LRP2: variants seen among roughly 807,000 people sequenced by gnomAD.
The protein encoded by LRP2 is LDL receptor related protein 2.
LRP2 carries 172 observed loss-of-function variants against 531.0 expected under a neutral mutation model. The ratio of observed to expected loss-of-function variants is 0.32; its 90% confidence interval spans 0.29 to 0.37. The LOEUF (loss-of-function observed/expected upper bound fraction) is 0.37. Among genes scored for constraint, LRP2 ranks in the 10% least tolerant of loss-of-function variants. LRP2 has a pLI of 1.00. For synonymous variants in LRP2, 1,992 were observed against 2,027.6 expected, an observed-to-expected ratio of 0.98 and a Z score of 0.47; for missense variants, 5,167 against 5,868.3, an observed-to-expected ratio of 0.88 and a Z score of 3.90.
chr2:169,359,316 C>G (rs903891600), intron 1 of LRP2, among the ~76,000 whole-genome samples: 1 of 152,160 alleles, frequency 6.6e-6, no homozygotes, highest in Non-Finnish European at 1.5e-5. Flanking sequence ...AACAGCTTGA[C>G]TCGAGTTCAG....
At position 169,139,290 on chromosome 2, in the gene LRP2, C is replaced by G. The variant is rs1233510281; in HGVS notation, c.13349G>C (p.Arg4450Thr). The stretch of plus-strand genomic sequence containing the variant: ...CAGAGCAGGCAAAAGGGAGCCGGTC[C>G]TTCTATAGTGGAAGAATCCTGCAAT... ...LAIAGFFHYR[R>T]TGSLLPALPK... is the part of the protein sequence containing the mutation. Residue 4450 changes from arginine to threonine, a missense_variant, in exon 74 of 79, where the codon AGG (arginine) becomes ACG (threonine). By Grantham distance (71) the Arg-to-Thr change is moderately conservative (BLOSUM62 -1). Coordinates refer to ENST00000649046, the MANE Select transcript of LRP2 (RefSeq NM_004525.3). The G allele has an allele frequency of 6.2e-7, 1 of 1,614,056 alleles. No individual in the cohort carries two copies. Among genetic ancestry groups the G allele is most frequent in the Non-Finnish European group, 8.5e-7 (1 of 1,180,028 alleles).
Position 169,182,287 on chromosome 2 carries a change from C to T in LRP2, c.9878G>A (p.Gly3293Asp), listed in dbSNP as rs1289625572. 6.2e-7 allele frequency: 1 copy of T among 1,613,838 alleles called. No homozygotes were observed. The highest frequency in any genetic ancestry group is 8.5e-7 in the Non-Finnish European group (1 of 1,179,930). ...KLYWLDARLD[G>D]LFVSDLNGGH... ...ACCATTGAGGTCAGAGACAAAGAGGCCATCCAGGCGGGCATCCAACCAGTA... is the reference window on the plus strand; with the variant it reads ...ACCATTGAGGTCAGAGACAAAGAGGTCATCCAGGCGGGCATCCAACCAGTA... Residue 3293 changes from glycine to aspartate, a missense_variant, in exon 51 of 79, where the codon GGC becomes GAC. By Grantham distance (94) the Gly-to-Asp change is moderately conservative (BLOSUM62 -1). Coordinates refer to ENST00000649046, the MANE Select transcript of LRP2 (RefSeq NM_004525.3).
intron 19 of LRP2, among the ~76,000 whole-genome samples, chr2:169,254,643 T>TAA (rs528767921): frequency 0.21 from 15,188 of 73,190 alleles, 3,622 homozygotes; most frequent in East Asian, 0.43. Context: ...TAGAGTATAA[T>TAA]AAAAAAAAAA....
intron 36 of LRP2, among the ~76,000 whole-genome samples, chr2:169,213,288 C>T (rs927315627): frequency 6.6e-5 from 10 of 152,104 alleles, no homozygotes; most frequent in African/African-American, 1.9e-4. Flanking sequence ...TTCTAATCAC[C>T]GAGTATTGAG....
intron 61 of LRP2, 113 bp from the exon 62 acceptor site, chr2:169,166,167 C>T (rs1686775601): frequency 1.9e-6 from 2 of 1,065,776 alleles, no homozygotes; most frequent in East Asian, 2.5e-5. Context: ...CACTCATTTA[C>T]TCATTTGATT....
intron 47 of LRP2, among the ~76,000 whole-genome samples, chr2:169,193,044 A>C (rs1362646753): frequency 6.6e-6 from 1 of 152,216 alleles, no homozygotes. Flanking sequence ...TATCTACTCA[A>C]GAGGCATAAC....
chr2:169,291,231 G>T (rs1037540629), intron 7 of LRP2, among the ~76,000 whole-genome samples: 1 of 152,154 alleles, frequency 6.6e-6, no homozygotes, highest in Admixed American at 6.5e-5. Flanking sequence ...CCCCAGTAGG[G>T]TTATAAGAGG....
intron 22 of LRP2, 48 bp downstream of exon 22, chr2:169,244,645 G>A: frequency 1.2e-6 from 2 of 1,613,282 alleles, no homozygotes; most frequent in Non-Finnish European, 1.7e-6. Context: ...GGTTGTTGAA[G>A]TCTATTTACG....
chr2:169,139,088 G>A (rs984965951), intron 74 of LRP2, among the ~76,000 whole-genome samples, 163 bp downstream of exon 74: 1 of 152,226 alleles, frequency 6.6e-6, no homozygotes, highest in Non-Finnish European at 1.5e-5. Flanking sequence ...AAGAAGTTGG[G>A]ATTTGAAGTG....
intron 4 of LRP2, among the ~76,000 whole-genome samples, chr2:169,302,963 T>C (rs776532070): frequency 2.0e-5 from 3 of 152,156 alleles, no homozygotes; most frequent in Non-Finnish European, 4.4e-5. Context: ...GTTTAATTTT[T>C]AGGTGTGATA....
intron 1 of LRP2, among the ~76,000 whole-genome samples, chr2:169,323,069 A>T (rs1259428349): frequency 6.6e-6 from 1 of 152,218 alleles, no homozygotes; most frequent in Non-Finnish European, 1.5e-5. Flanking sequence ...GTCATTTTAT[A>T]AAACACTTCA....
intron 67 of LRP2, among the ~76,000 whole-genome samples, chr2:169,152,171 T>G (rs1686166270): frequency 6.6e-6 from 1 of 152,196 alleles, no homozygotes; most frequent in African/African-American, 2.4e-5. Flanking sequence ...TAAGTTCTAC[T>G]TAAAAACCAT....
intron 1 of LRP2, among the ~76,000 whole-genome samples, chr2:169,341,515 T>A (rs575857125): frequency 1.3e-5 from 2 of 152,274 alleles, no homozygotes; most frequent in South Asian, 2.1e-4. Context: ...TCCATATTTT[T>A]AAAAATGCTT....
intron 31 of LRP2, among the ~76,000 whole-genome samples, chr2:169,230,348 A>C (rs1225434427): frequency 6.6e-6 from 1 of 152,270 alleles, no homozygotes; most frequent in Non-Finnish European, 1.5e-5. Context: ...TCCCTCTGTG[A>C]GAATTACCAA....
At chr2:169,215,749 A>G (rs979256273) in intron 35 of LRP2, among the ~76,000 whole-genome samples, 1 of 147,588 alleles carries the variant, frequency 6.8e-6, no homozygotes, top group African/African-American at 2.5e-5. Flanking sequence ...CTATATCTAT[A>G]TAGATCATAT....
chr2:169,310,792 G>A (rs868848720), intron 3 of LRP2, among the ~76,000 whole-genome samples: 1 of 152,200 alleles, frequency 6.6e-6, no homozygotes, highest in South Asian at 2.1e-4. Context: ...GCTCCTCCTT[G>A]TACCTCTGGT....
intron 62 of LRP2, among the ~76,000 whole-genome samples, chr2:169,162,835 G>A (rs1459938124): frequency 2.0e-5 from 3 of 152,184 alleles, no homozygotes; most frequent in South Asian, 2.1e-4. Flanking sequence ...TGCCTCCTCC[G>A]TGTCTCCTGT....
intron 68 of LRP2, among the ~76,000 whole-genome samples, chr2:169,148,769 G>GT (rs1408810971): frequency 6.6e-6 from 1 of 152,106 alleles, no homozygotes; most frequent in Non-Finnish European, 1.5e-5. Context: ...CCATGACTTC[G>GT]TTTATGCTAT....
intron 57 of LRP2, 35 bp downstream of exon 57, chr2:169,173,061 T>A: frequency 6.2e-7 from 1 of 1,613,830 alleles, no homozygotes; most frequent in Non-Finnish European, 8.5e-7. Context: ...TGCACTTTCT[T>A]GTCCCTCCCT....
Sources: gnomAD v4.1 joint callset for allele counts (sites outside exome capture counted in the v4.1 genomes callset) on GRCh38, gnomAD v4.1.1 for gene constraint, MANE v1.5 for transcripts, NCBI Gene and HGNC (gene_info 2026-07-23, HGNC 2026-07-21) for gene names.